The following USP45 variants were observed in gnomAD, a reference collection of about 807,000 sequenced individuals.
USP45 encodes ubiquitin specific peptidase 45.
In USP45, 89 loss-of-function variants were observed where a neutral mutation model predicts 95.8. The observed-to-expected ratio is 0.93, with a 90% CI of 0.78 to 1.11. The LOEUF (loss-of-function observed/expected upper bound fraction) is 1.11, where lower values mean the gene tolerates loss of function less well. Among genes scored for constraint, USP45 ranks in the 50% least tolerant of loss-of-function variants. The pLI is 0.00. For synonymous variants in USP45, 281 were observed against 316.2 expected (o/e 0.89, Z 1.18); for missense variants, 898 against 942.5 (o/e 0.95, Z 0.62).
At position 99,508,728 on chromosome 6, in the gene USP45, C is replaced by T; in HGVS notation, c.155G>A (p.Arg52Lys). 6.2e-7 allele frequency: 1 copy of T among 1,613,698 alleles called. No individual in the cohort carries two copies. ...TGACCACAGATTCTCAGCTATTGCT[C>T]TCTTTACATGATTCACGCTGATAGC... is the stretch of plus-strand genomic sequence containing the variant. ...SHAISVNHVK[R>K]AIAENLWSVC... Residue 52 changes from arginine to lysine, a missense_variant, in exon 3 of 18, where the codon AGA becomes AAA. Arg to Lys is a conservative substitution (Grantham distance 26). Transcript: ENST00000500704.
chr6:99,454,370 T>C (rs373261683), intron 13 of USP45, among the ~76,000 whole-genome samples: 1 of 151,958 alleles, frequency 6.6e-6, no homozygotes, highest in South Asian at 2.1e-4. Flanking sequence ...GAAGAAAACA[T>C]AGGAGAAACA....
In USP45 at chr6:99,462,234, T is replaced by C. The variant is rs1456102144; in HGVS notation, c.1308+2370A>G. On this transcript the variant is annotated intron_variant, in intron 13 of 17. Transcript: ENST00000500704. ...ATTTTCAATAAAGAGTAGGTCCAAT[T>C]TGTTCAGCACAAGCACAAGTTATAT... The C allele has an allele frequency of 7.1e-6, 7 of 982,290 alleles. No individual in the cohort carries two copies. The South Asian group carries it at 2.4e-4, about 33-fold the overall frequency. The allele number at this position is 982,290 out of a possible 1,614,324, so 60.8% of individuals were successfully genotyped here.
chr6:99,443,752 C>A, intron 14 of USP45, 90 bp from the exon 15 acceptor site: 1 of 818,782 alleles, frequency 1.2e-6, no homozygotes, highest in Non-Finnish European at 1.8e-6. Flanking sequence ...TATCATACCA[C>A]ATTTTTAAAA....
chr6:99,452,173 G>T (rs1358062632), intron 13 of USP45, among the ~76,000 whole-genome samples: 1 of 152,134 alleles, frequency 6.6e-6, no homozygotes, highest in African/African-American at 2.4e-5. Context: ...AGCCAAAATT[G>T]ACAAATGGGA....
At chr6:99,492,909 C>T (rs1400900087) in intron 5 of USP45, among the ~76,000 whole-genome samples, 1 of 152,102 alleles carries the variant, frequency 6.6e-6, no homozygotes, top group East Asian at 1.9e-4. Flanking sequence ...TATCAATGCC[C>T]TTTGTGTATC....
intron 5 of USP45, among the ~76,000 whole-genome samples, chr6:99,501,333 A>T (rs549948413): frequency 7.2e-4 from 110 of 152,204 alleles, no homozygotes; most frequent in Admixed American, 1.6e-3. Flanking sequence ...TGCTTAAAAT[A>T]CTTTAGTAAT....
chr6:99,437,165 G>T, intron 17 of USP45, 81 bp downstream of exon 17: 1 of 1,408,068 alleles, frequency 7.1e-7, no homozygotes, highest in Non-Finnish European at 9.7e-7. Context: ...AGGCATCTAT[G>T]AAATAATAAC....
In USP45 at chr6:99,490,432, G is replaced by A. The variant is rs759189603; in HGVS notation, c.479-1612C>T. Among the ~76,000 whole-genome samples the A allele has an allele frequency of 1.2e-3, 178 of 151,784 alleles. 2 individuals are homozygous for A. Among genetic ancestry groups the A allele is most frequent in the African/African-American group, 4.2e-3 (172 of 41,382 alleles). Reference sequence around the variant, plus strand: ...TGACCTCAAGTGATCCACCCACCTCGGGCTCCCAAAGTGCTGGAATTACAG... The same window carrying A: ...TGACCTCAAGTGATCCACCCACCTCAGGCTCCCAAAGTGCTGGAATTACAG... On this transcript the variant is annotated intron_variant, in intron 5 of 17. Coordinates refer to ENST00000500704, the MANE Select transcript of USP45 (RefSeq NM_001346022.3).
intron 13 of USP45, chr6:99,460,747 A>T (rs1786235669): frequency 1.0e-6 from 1 of 978,492 alleles, no homozygotes; most frequent in African/African-American, 1.8e-5. Context: ...AAATAAGAGG[A>T]CTATGATTTT....
intron 16 of USP45, 90 bp downstream of exon 16, chr6:99,439,679 T>A (rs1448290288): frequency 7.5e-6 from 7 of 936,248 alleles, no homozygotes; most frequent in Middle Eastern, 3.6e-4. Context: ...AGAGAAGTTA[T>A]TTTTTTAGAA....
chr6:99,503,471 AC>A (rs1343448683), intron 5 of USP45, among the ~76,000 whole-genome samples: 4 of 151,446 alleles, frequency 2.6e-5, no homozygotes. Flanking sequence ...AGCTGGGATT[AC>A]AGGCATGTGC....
upstream of USP45, chr6:99,515,455 C>G (rs1013590856): frequency 3.3e-5 from 5 of 152,276 alleles, no homozygotes; most frequent in African/African-American, 1.2e-4. Flanking sequence ...TCGTCCCGCT[C>G]CCGGCAGAGG....
At chr6:99,504,872 A>G (rs1259085208) in intron 4 of USP45, among the ~76,000 whole-genome samples, 2 of 152,296 alleles carry the variant, frequency 1.3e-5, no homozygotes, top group African/African-American at 4.8e-5. Context: ...GGAATTAATC[A>G]CAGAACATTA....
At chr6:99,513,340 C>T (rs1307810730) in intron 1 of USP45, among the ~76,000 whole-genome samples, 1 of 152,154 alleles carries the variant, frequency 6.6e-6, no homozygotes, top group African/African-American at 2.4e-5. Flanking sequence ...TTTCCTCAAA[C>T]CTCTAACCCC....
chr6:99,449,442 G>A (rs897727044), intron 13 of USP45, among the ~76,000 whole-genome samples: 2 of 152,172 alleles, frequency 1.3e-5, no homozygotes, highest in Non-Finnish European at 2.9e-5. Flanking sequence ...TAATGGTAAA[G>A]GGATCAATTC....
rs1780103737 is a variant in USP45 at position 99,434,083 on chromosome 6, T to C, written c.*1633A>G. The C allele has an allele frequency of 6.6e-6, 1 of 152,196 alleles. No individual in the cohort carries two copies. The highest frequency in any genetic ancestry group is 6.5e-5 in the Admixed American group (1 of 15,282). The allele number at this position is 152,196 out of a possible 1,614,324, so 9.4% of individuals were successfully genotyped here. On this transcript the variant is annotated 3_prime_UTR_variant, in exon 18 of 18. Coordinates refer to ENST00000500704, the MANE Select transcript of USP45 (RefSeq NM_001346022.3). ...CTGACTTTGCAGATTAACTTAAAGA[T>C]ATATTTCTTGATTATTTCACTGTTA...
intron 9 of USP45, among the ~76,000 whole-genome samples, chr6:99,474,230 C>T (rs1026105803): frequency 3.9e-5 from 6 of 152,182 alleles, no homozygotes; most frequent in African/African-American, 1.4e-4. Context: ...GTAGGCTCTG[C>T]TCTGTTGCCC....
rs533326050 is a variant in USP45, at chr6:99,436,380, C to A, written c.2315-534G>T. On this transcript the variant is annotated intron_variant, in intron 17 of 17. Transcript: ENST00000500704. ...CAACCCAGCCAACATGGTGAAACCC[C>A]GTCTCTAATTTAAAAAACAACAGAC... Among the ~76,000 whole-genome samples, 4 of 151,774 alleles carry A rather than the reference C, an allele frequency of 2.6e-5. No individual in the cohort carries two copies. In the East Asian group the frequency reaches 7.9e-4, roughly 30 times the overall value.
In USP45 at chr6:99,446,214, A is replaced by G; in HGVS notation, c.1558T>C (p.Phe520Leu). ...SESASKQTGL[F>L]RSSSGSGVQP... ...ACACCGGATCCACTACTGGATCTGA[A>G]CAGCCCAGTCTGCTTTGAAGCACTT... The change falls in exon 14 of 18, where the codon TTC becomes CTC. Residue 520 changes from phenylalanine to leucine, a missense_variant. By Grantham distance (22) the Phe-to-Leu change is conservative. Coordinates refer to ENST00000500704, the MANE Select transcript of USP45 (RefSeq NM_001346022.3). 1 of 1,614,198 alleles carries G rather than the reference A, an allele frequency of 6.2e-7. No individual in the cohort carries two copies. The highest frequency in any genetic ancestry group is 8.5e-7 in the Non-Finnish European group (1 of 1,180,034).
Sources: allele counts gnomAD v4.1 joint callset (sites outside exome capture counted in the v4.1 genomes callset), GRCh38; gene constraint gnomAD v4.1.1; transcripts MANE v1.5; gene names NCBI Gene and HGNC (gene_info 2026-07-23, HGNC 2026-07-21).